Variants in C12orf42 observed in about 807,000 individuals in gnomAD.
C12orf42 encodes uncharacterized protein C12orf42.
C12orf42 carries 25 observed loss-of-function variants against 21.6 expected under a neutral mutation model. The observed-to-expected ratio is 1.16, with a 90% CI of 0.84 to 1.62. C12orf42 has a LOEUF of 1.62. C12orf42 is among the 40% of genes most tolerant of loss of function. The pLI, the probability that C12orf42 is intolerant of heterozygous loss-of-function variation, is 0.00. For missense variants in C12orf42, 483 were observed against 459.3 expected (o/e 1.05, Z -0.47); for synonymous variants, 174 against 175.0 (o/e 0.99, Z 0.05).
rs189386887 is a variant in C12orf42, at chr12:103,252,119, C to T, written c.*1366+11207G>A. Among the ~76,000 whole-genome samples, 22 of 151,886 alleles carry T rather than the reference C, an allele frequency of 1.4e-4. No individual in the cohort carries two copies. The South Asian group carries it at 3.3e-3, about 23-fold the overall frequency. On this transcript the variant is annotated intron_variant and NMD_transcript_variant, in intron 10 of 10. Transcript: ENST00000547347. ...ATTTGTCCTAATGCTCTCTCTCCCCCCAAAAATTCTTTTTTATGGCTGCAT... is the reference window on the plus strand; with the variant it reads ...ATTTGTCCTAATGCTCTCTCTCCCCTCAAAAATTCTTTTTTATGGCTGCAT...
chr12:103,366,014 C>G (rs906609743), intron 4 of C12orf42, among the ~76,000 whole-genome samples: 5 of 151,644 alleles, frequency 3.3e-5, no homozygotes, highest in African/African-American at 1.2e-4. Context: ...AAAGCAAGAC[C>G]AAGCAAAAAG....
chr12:103,081,325 C>T, the C12orf42 span: 26 of 152,288 alleles, frequency 1.7e-4, no homozygotes, highest in East Asian at 5.8e-4. Context: ...TCTCGAAAAT[C>T]GCTCTTGGAG....
At position 103,440,457 on chromosome 12, in the gene C12orf42, C is replaced by CAAAAAAAAAAAAA; in HGVS notation, c.78+37879_78+37891dup. On this transcript the variant is annotated intron_variant, in intron 2 of 5. Transcript: ENST00000548883. ...AAATAAATAAAAGCCTCACAGATAC[C>CAAAAAAAAAAAAA]AAAAAAAAAAAAAAAAAAAAAAGAA... 1.2e-3 allele frequency among the ~76,000 whole-genome samples: 83 copies of CAAAAAAAAAAAAA among 69,686 alleles called. 4 individuals are homozygous for CAAAAAAAAAAAAA. The highest frequency in any genetic ancestry group is 1.5e-3 in the Admixed American group (7 of 4,806). The allele number at this position is 69,686 out of a possible 152,430, so 45.7% of individuals were successfully genotyped here. A position where few individuals can be genotyped will look rare whatever the true frequency, so the allele number is the denominator to read the frequency against.
At chr12:103,222,805 A>T in the C12orf42 span, among the ~76,000 whole-genome samples, 1 of 151,692 alleles carries the variant, frequency 6.6e-6, no homozygotes, top group Non-Finnish European at 1.5e-5. Context: ...CCCCACGCAG[A>T]TGTCCCATAT....
the C12orf42 span, among the ~76,000 whole-genome samples, chr12:103,507,840 A>G: frequency 6.6e-6 from 1 of 152,148 alleles, no homozygotes; most frequent in South Asian, 2.1e-4. Flanking sequence ...GCAAGACATA[A>G]GCTCCTGGCA....
At chr12:103,469,922 T>A (rs1953457614) in intron 2 of C12orf42, among the ~76,000 whole-genome samples, 1 of 152,200 alleles carries the variant, frequency 6.6e-6, no homozygotes, top group Non-Finnish European at 1.5e-5. Context: ...AGTTATTATA[T>A]ATAGCTCAGT....
intron 10 of C12orf42, among the ~76,000 whole-genome samples, chr12:103,241,494 A>G (rs1218476286): frequency 6.6e-6 from 1 of 152,186 alleles, no homozygotes; most frequent in Non-Finnish European, 1.5e-5. Context: ...TTACCTTATA[A>G]AAGTGGAGGA....
intron 3 of C12orf42, chr12:103,397,669 T>C (rs2047650569): frequency 6.6e-6 from 1 of 152,202 alleles, no homozygotes; most frequent in Non-Finnish European, 1.5e-5. Flanking sequence ...TGTGTCTTCA[T>C]TGAGTACACA....
the C12orf42 span, among the ~76,000 whole-genome samples, chr12:103,162,506 G>GGTGTGTGTGTGT: frequency 2.0e-5 from 3 of 147,634 alleles, no homozygotes; most frequent in African/African-American, 7.5e-5. Flanking sequence ...CCAACAAGCT[G>GGTGTGTGTGTGT]GTGTGTGTGT....
chr12:103,067,429 G>A, the C12orf42 span, among the ~76,000 whole-genome samples: 1 of 152,182 alleles, frequency 6.6e-6, no homozygotes, highest in African/African-American at 2.4e-5. Flanking sequence ...ATGGTGGAAT[G>A]GTCTTTTGAA....
intron 5 of C12orf42, among the ~76,000 whole-genome samples, chr12:103,304,867 A>C (rs1247785090): frequency 1.3e-5 from 2 of 152,178 alleles, no homozygotes; most frequent in Non-Finnish European, 2.9e-5. Flanking sequence ...CATGCAGTAC[A>C]TTCTCTTCTA....
intron 4 of C12orf42, among the ~76,000 whole-genome samples, chr12:103,360,762 A>G (rs964110309): frequency 1.3e-5 from 2 of 152,140 alleles, no homozygotes; most frequent in Non-Finnish European, 2.9e-5. Context: ...ATAGGTCAAA[A>G]TCAACTTTTA....
chr12:103,359,696 T>G (rs2043911801), intron 4 of C12orf42, among the ~76,000 whole-genome samples: 1 of 152,056 alleles, frequency 6.6e-6, no homozygotes, highest in Admixed American at 6.6e-5. Context: ...TCTTTTTTCA[T>G]AGCTTTCATT....
At chr12:103,435,127 C>CT (rs1565821535) in intron 2 of C12orf42, among the ~76,000 whole-genome samples, 11 of 152,236 alleles carry the variant, frequency 7.2e-5, no homozygotes, top group Non-Finnish European at 1.0e-4. Flanking sequence ...GGAGGCACCC[C>CT]CCAGCAGAGG....
At chr12:103,549,283 T>G in the C12orf42 span, among the ~76,000 whole-genome samples, 1 of 152,218 alleles carries the variant, frequency 6.6e-6, no homozygotes, top group Non-Finnish European at 1.5e-5. Flanking sequence ...TTTTAAACAA[T>G]TGTAGATACA....
intron 4 of C12orf42, among the ~76,000 whole-genome samples, chr12:103,367,210 C>T (rs141556410): frequency 2.4e-4 from 36 of 151,988 alleles, no homozygotes; most frequent in African/African-American, 7.5e-4. Flanking sequence ...AACCAAACGT[C>T]GTATGTTCTC....
chr12:103,111,458 T>G, the C12orf42 span, among the ~76,000 whole-genome samples: 1 of 152,212 alleles, frequency 6.6e-6, no homozygotes, highest in Non-Finnish European at 1.5e-5. Context: ...GGTCATTCAT[T>G]GATTCGATGA....
intron 10 of C12orf42, among the ~76,000 whole-genome samples, chr12:103,252,741 CAA>C (rs2034372130): frequency 6.6e-6 from 1 of 151,888 alleles, no homozygotes; most frequent in Non-Finnish European, 1.5e-5. Context: ...CCATTCTACC[CAA>C]CAGGTAGGTT....
upstream of C12orf42, among the ~76,000 whole-genome samples, chr12:103,500,605 A>T: frequency 6.6e-6 from 1 of 152,196 alleles, no homozygotes; most frequent in East Asian, 1.9e-4. Context: ...AGCCAAAAGT[A>T]AAAACTATAA....
Sources: gnomAD v4.1 joint callset for allele counts (sites outside exome capture counted in the v4.1 genomes callset) on GRCh38, gnomAD v4.1.1 for gene constraint, MANE v1.5 for transcripts, NCBI Gene and HGNC (gene_info 2026-07-23, HGNC 2026-07-21) for gene names.